GRIK4: variants seen among roughly 807,000 people sequenced by gnomAD.
The protein encoded by GRIK4 is glutamate receptor ionotropic, kainate 4.
Under a neutral mutation model 104.9 loss-of-function variants are expected in GRIK4, and 40 were observed. That is an observed-to-expected ratio of 0.38 (90% confidence interval 0.30 to 0.50). GRIK4 has a LOEUF of 0.50. Ranked by LOEUF, GRIK4 falls within the 20% of genes least tolerant of loss-of-function variation. The pLI, the probability that GRIK4 is intolerant of heterozygous loss-of-function variation, is 0.93. For missense variants in GRIK4, 1,047 were observed against 1,308.1 expected (o/e 0.80, Z 3.08); for synonymous variants, 485 against 524.9 (o/e 0.92, Z 1.04).
At chr11:120,718,464 C>T (rs148674255) in intron 3 of GRIK4, among the ~76,000 whole-genome samples, 1 of 152,142 alleles carries the variant, frequency 6.6e-6, no homozygotes, top group African/African-American at 2.4e-5. Flanking sequence ...CTGGGTTAGA[C>T]AAGAGATTGG....
At chr11:120,852,738 G>T (rs1279288427) in intron 8 of GRIK4, among the ~76,000 whole-genome samples, 1 of 152,192 alleles carries the variant, frequency 6.6e-6, no homozygotes, top group Non-Finnish European at 1.5e-5. Flanking sequence ...TAGACAGACG[G>T]GTACCGCAGT....
rs765709705 is a variant in GRIK4, at chr11:120,962,838, TTA to T, written c.2266+158_2266+159del. 9.8e-3 allele frequency: 4,741 copies of T among 481,686 alleles called. 15 individuals carry two copies. Among genetic ancestry groups the T allele is most frequent in the Middle Eastern group, 0.021 (40 of 1,904 alleles). The allele number at this position is 481,686 out of a possible 1,614,324, so 29.8% of individuals were successfully genotyped here. On this transcript the variant is annotated intron_variant, in intron 18 of 20. Transcript: ENST00000527524. The stretch of plus-strand genomic sequence containing the variant: ...GCATTCTAAAGTTTTTTTTTTTTTT[TTA>T]AAGCAAACACACATATTTCCTTTAA...
chr11:120,949,889 G>C (rs964355129), intron 14 of GRIK4, among the ~76,000 whole-genome samples: 17 of 152,282 alleles, frequency 1.1e-4, no homozygotes, highest in Admixed American at 1.0e-3. Context: ...TTGAAATCAA[G>C]AGAACATAGT....
intron 1 of GRIK4, among the ~76,000 whole-genome samples, chr11:120,541,533 G>A (rs1038831106): frequency 3.3e-5 from 5 of 151,656 alleles, no homozygotes; most frequent in East Asian, 1.9e-4. Flanking sequence ...TTGCTCTGTC[G>A]TCCAGGGTGG....
chr11:120,512,509 G>A (rs1386683779), intron 1 of GRIK4, among the ~76,000 whole-genome samples: 1 of 152,070 alleles, frequency 6.6e-6, no homozygotes, highest in African/African-American at 2.4e-5. Flanking sequence ...CTTGCTTGGG[G>A]GAACCAGCGT....
chr11:120,777,229 T>C (rs956695740), intron 3 of GRIK4, among the ~76,000 whole-genome samples: 4 of 152,194 alleles, frequency 2.6e-5, no homozygotes, highest in Non-Finnish European at 5.9e-5. Flanking sequence ...CTCTAACACA[T>C]TTTCTGCTCT....
intron 1 of GRIK4, among the ~76,000 whole-genome samples, chr11:120,589,021 C>T (rs1168023561): frequency 6.6e-6 from 1 of 152,118 alleles, no homozygotes; most frequent in East Asian, 1.9e-4. Context: ...GCAGATGGTG[C>T]AGAGAGGCTG....
chr11:120,667,892 T>A (rs1013766394), intron 3 of GRIK4, among the ~76,000 whole-genome samples: 1 of 152,226 alleles, frequency 6.6e-6, no homozygotes, highest in Admixed American at 6.5e-5. Flanking sequence ...CAACCCTGAC[T>A]GGAGGTCTCT....
intron 3 of GRIK4, among the ~76,000 whole-genome samples, chr11:120,760,584 T>C (rs1362703890): frequency 2.0e-5 from 3 of 152,072 alleles, no homozygotes; most frequent in African/African-American, 7.2e-5. Context: ...CTCCTAATGC[T>C]ATCCCTCACC....
In GRIK4 at chr11:120,826,702, G is replaced by A. The variant is rs989149618; in HGVS notation, c.512-5150G>A. On this transcript the variant is annotated intron_variant, in intron 6 of 20. Coordinates refer to ENST00000527524, the MANE Select transcript of GRIK4 (RefSeq NM_014619.5). Reference sequence around the variant, plus strand: ...ACGGCCACCTACGGTCCACCTGTGAGCAAGAAGCCTCAGCTGGCTCCTCTC... The same window carrying A: ...ACGGCCACCTACGGTCCACCTGTGAACAAGAAGCCTCAGCTGGCTCCTCTC... Among the ~76,000 whole-genome samples the A allele has an allele frequency of 5.3e-5, 8 of 152,230 alleles. No homozygotes were observed. In the South Asian group the frequency reaches 6.2e-4, roughly 12 times the overall value.
rs772036891 is a variant in GRIK4 at position 120,820,069 on chromosome 11, A to G, written c.511+149A>G. 4.5e-6 allele frequency: 3 copies of G among 669,916 alleles called. No individual in the cohort carries two copies. The Admixed American group carries it at 7.0e-5, about 16-fold the overall frequency. 41.5% of individuals were successfully genotyped at this position (669,916 alleles called of 1,614,324 possible). ...ATAACCAATGGGTTTGGGCATTCCCATGCTCATGTGTCCGTGTGTGTGTGT... is the reference window on the plus strand; with the variant it reads ...ATAACCAATGGGTTTGGGCATTCCCGTGCTCATGTGTCCGTGTGTGTGTGT... On this transcript the variant is annotated intron_variant, in intron 6 of 20. Coordinates refer to ENST00000527524, the MANE Select transcript of GRIK4 (RefSeq NM_014619.5).
chr11:120,809,492 C>T (rs926685694), intron 4 of GRIK4, among the ~76,000 whole-genome samples: 2 of 152,226 alleles, frequency 1.3e-5, no homozygotes, highest in Non-Finnish European at 2.9e-5. Context: ...AAGACCAGTT[C>T]CCAGATCCCA....
At chr11:120,637,718 G>C (rs1284440564) in intron 1 of GRIK4, among the ~76,000 whole-genome samples, 1 of 152,080 alleles carries the variant, frequency 6.6e-6, no homozygotes, top group Non-Finnish European at 1.5e-5. Flanking sequence ...CTCTGCCCAG[G>C]TTTTTTCCGT....
chr11:120,978,198 C>T (rs1367442621), intron 19 of GRIK4, among the ~76,000 whole-genome samples: 1 of 152,136 alleles, frequency 6.6e-6, no homozygotes, highest in Non-Finnish European at 1.5e-5. Flanking sequence ...CATGGTTCTT[C>T]CCCTCAAAGA....
chr11:120,628,852 A>C (rs1256844207), intron 1 of GRIK4, among the ~76,000 whole-genome samples: 1 of 152,206 alleles, frequency 6.6e-6, no homozygotes, highest in Non-Finnish European at 1.5e-5. Flanking sequence ...GTTTCAGGGC[A>C]AGATACATCC....
intron 7 of GRIK4, among the ~76,000 whole-genome samples, chr11:120,835,070 G>T (rs1166509573): frequency 6.6e-6 from 1 of 152,158 alleles, no homozygotes; most frequent in Non-Finnish European, 1.5e-5. Context: ...ATATAGCTTG[G>T]CCTGGAGGAA....
intron 11 of GRIK4, among the ~76,000 whole-genome samples, chr11:120,897,648 G>A (rs1942622702): frequency 1.2e-5 from 1 of 82,350 alleles, no homozygotes; most frequent in African/African-American, 3.9e-5. Context: ...CATATTAAGT[G>A]TTCTTATCAC....
chr11:120,776,989 G>A (rs1246124764), intron 3 of GRIK4, among the ~76,000 whole-genome samples: 1 of 152,184 alleles, frequency 6.6e-6, no homozygotes, highest in Non-Finnish European at 1.5e-5. Flanking sequence ...GCTACGAGGG[G>A]GGTGTGAGTA....
At chr11:120,841,569 A>G (rs1203623055) in intron 8 of GRIK4, among the ~76,000 whole-genome samples, 1 of 152,182 alleles carries the variant, frequency 6.6e-6, no homozygotes, top group Non-Finnish European at 1.5e-5. Context: ...TAATGCTGGC[A>G]TGAACTTGGG....
Sources: gnomAD v4.1 joint callset for allele counts (sites outside exome capture counted in the v4.1 genomes callset) on GRCh38, gnomAD v4.1.1 for gene constraint, MANE v1.5 for transcripts, NCBI Gene and HGNC (gene_info 2026-07-23, HGNC 2026-07-21) for gene names.